The following ATXN1 variants were observed in gnomAD, a reference collection of about 807,000 sequenced individuals.
ATXN1 encodes ataxin-1.
A neutral mutation model predicts 56.4 loss-of-function variants in ATXN1; 8 were observed. The ratio of observed to expected loss-of-function variants is 0.14; its 90% CI spans 0.08 to 0.26. The LOEUF is 0.26. Ranked by LOEUF, ATXN1 falls within the 10% of genes least tolerant of loss-of-function variation. The pLI, the probability that ATXN1 is intolerant of heterozygous loss-of-function variation, is 1.00. For synonymous variants in ATXN1, 514 were observed against 494.6 expected, an observed-to-expected ratio of 1.04 and a Z score of -0.52; for missense variants, 987 against 1,106.5, an observed-to-expected ratio of 0.89 and a Z score of 1.53.
intron 6 of ATXN1, among the ~76,000 whole-genome samples, chr6:16,368,666 A>C (rs1461292853): frequency 6.6e-6 from 1 of 152,122 alleles, no homozygotes; most frequent in African/African-American, 2.4e-5. Context: ...ATCTAATCCC[A>C]AGTCACACAT....
chr6:16,490,488 T>C (rs1760638610), intron 5 of ATXN1, among the ~76,000 whole-genome samples: 1 of 152,226 alleles, frequency 6.6e-6, no homozygotes, highest in Non-Finnish European at 1.5e-5. Context: ...CTCTGGAGCT[T>C]GATTTCCACC....
At chr6:16,661,847 C>A (rs1758326914) in intron 2 of ATXN1, among the ~76,000 whole-genome samples, 2 of 152,168 alleles carry the variant, frequency 1.3e-5, no homozygotes, top group South Asian at 4.1e-4. Context: ...CCCACCCTAT[C>A]CTTCAGATGA....
At chr6:16,724,154 G>A (rs78613242) in intron 2 of ATXN1, among the ~76,000 whole-genome samples, 26 of 152,244 alleles carry the variant, frequency 1.7e-4, no homozygotes, top group East Asian at 1.2e-3. Context: ...CTTAAACCCC[G>A]AGTGACTGGC....
intron 3 of ATXN1, among the ~76,000 whole-genome samples, chr6:16,603,432 G>A (rs369054761): frequency 1.2e-3 from 176 of 152,242 alleles, no homozygotes; most frequent in African/African-American, 4.1e-3. Context: ...TTCTCATGGG[G>A]AGACCTCCAA....
At chr6:16,315,340 G>A (rs1345204807) in intron 7 of ATXN1, among the ~76,000 whole-genome samples, 1 of 152,068 alleles carries the variant, frequency 6.6e-6, no homozygotes, top group African/African-American at 2.4e-5. Context: ...AACTGTATGG[G>A]TTCCTTTTCC....
chr6:16,681,636 C>T (rs1045157203), intron 2 of ATXN1, among the ~76,000 whole-genome samples: 23 of 152,172 alleles, frequency 1.5e-4, no homozygotes, highest in African/African-American at 5.3e-4. Flanking sequence ...TTAGCTCACC[C>T]TTGTCTGGAT....
chr6:16,312,180 CT>C (rs1458620116), intron 7 of ATXN1, among the ~76,000 whole-genome samples: 1 of 152,186 alleles, frequency 6.6e-6, no homozygotes, highest in Non-Finnish European at 1.5e-5. Flanking sequence ...TAAGAAATGT[CT>C]ACAAGCCCTT....
chr6:16,490,123 C>T (rs138577769), intron 5 of ATXN1, among the ~76,000 whole-genome samples: 66 of 123,756 alleles, frequency 5.3e-4, no homozygotes, highest in African/African-American at 1.8e-3. Context: ...TTCAAAGAAG[C>T]GACAAATGAC....
At chr6:16,459,192 T>G (rs941828561) in intron 6 of ATXN1, among the ~76,000 whole-genome samples, 1 of 152,188 alleles carries the variant, frequency 6.6e-6, no homozygotes, top group Non-Finnish European at 1.5e-5. Context: ...ATTAACTATA[T>G]GAATATGGGG....
intron 6 of ATXN1, among the ~76,000 whole-genome samples, chr6:16,464,746 T>TAAAAAAAA (rs34230333): frequency 7.1e-6 from 1 of 140,032 alleles, no homozygotes. Flanking sequence ...ACAGGGATAG[T>TAAAAAAAA]AAAAAAAAAA....
At chr6:16,437,831 G>A (rs1759425002) in intron 6 of ATXN1, among the ~76,000 whole-genome samples, 1 of 152,214 alleles carries the variant, frequency 6.6e-6, no homozygotes, top group Admixed American at 6.5e-5. Context: ...AGCAGAGAGT[G>A]TAAGGAGAGC....
chr6:16,559,943 A>G (rs529165734), intron 4 of ATXN1, among the ~76,000 whole-genome samples: 37 of 152,270 alleles, frequency 2.4e-4, no homozygotes, highest in African/African-American at 8.7e-4. Flanking sequence ...GCATTTGGCT[A>G]AGCTTCCTGT....
At chr6:16,364,376 C>CT (rs1299648268) in intron 6 of ATXN1, among the ~76,000 whole-genome samples, 1 of 152,060 alleles carries the variant, frequency 6.6e-6, no homozygotes, top group Non-Finnish European at 1.5e-5. Context: ...GCGATCTCAG[C>CT]TCACTGCAAG....
chr6:16,598,525 A>G (rs573467369), intron 3 of ATXN1, among the ~76,000 whole-genome samples: 2 of 152,300 alleles, frequency 1.3e-5, no homozygotes, highest in South Asian at 4.1e-4. Context: ...CATCCGCTGT[A>G]AAAGGAGTCA....
intron 4 of ATXN1, among the ~76,000 whole-genome samples, chr6:16,539,704 G>A (rs1018794694): frequency 3.3e-5 from 5 of 152,122 alleles, no homozygotes; most frequent in African/African-American, 9.7e-5. Context: ...CTTAGTCATC[G>A]GATCAGCCTC....
chr6:16,561,171 A>G (rs527273339), intron 4 of ATXN1, among the ~76,000 whole-genome samples: 2 of 152,270 alleles, frequency 1.3e-5, no homozygotes, highest in South Asian at 2.1e-4. Context: ...AGTATGCAGT[A>G]TATCTGATAC....
intron 3 of ATXN1, among the ~76,000 whole-genome samples, chr6:16,635,191 G>A (rs965302707): frequency 6.6e-6 from 1 of 152,254 alleles, no homozygotes; most frequent in East Asian, 1.9e-4. Flanking sequence ...CCCTCTTTAT[G>A]AGAATCTAAT....
chr6:16,507,462 G>T (rs1046946653), intron 5 of ATXN1, among the ~76,000 whole-genome samples: 1 of 152,136 alleles, frequency 6.6e-6, no homozygotes, highest in Non-Finnish European at 1.5e-5. Context: ...TGAGCAATGG[G>T]CTCAATCACT....
At chr6:16,560,942 T>G (rs1375958298) in intron 4 of ATXN1, among the ~76,000 whole-genome samples, 1 of 152,168 alleles carries the variant, frequency 6.6e-6, no homozygotes, top group Non-Finnish European at 1.5e-5. Flanking sequence ...AAAAACAACC[T>G]CTTGTTCCTT....
Sources: allele counts gnomAD v4.1 joint callset (sites outside exome capture counted in the v4.1 genomes callset), GRCh38; gene constraint gnomAD v4.1.1; transcripts MANE v1.5; gene names NCBI Gene and HGNC (gene_info 2026-07-23, HGNC 2026-07-21).